Variants in ARHGAP15 observed in about 807,000 individuals in gnomAD.
ARHGAP15 encodes the protein Rho GTPase activating protein 15, also known as rho GTPase-activating protein 15.
Under a neutral mutation model 63.7 loss-of-function variants are expected in ARHGAP15, and 51 were observed. The ratio of observed to expected loss-of-function variants is 0.80; its 90% CI spans 0.64 to 1.01. The LOEUF (loss-of-function observed/expected upper bound fraction) is 1.01. ARHGAP15 is among the 50% of genes least tolerant of loss of function. ARHGAP15 has a pLI of 0.00. For synonymous variants in ARHGAP15, 191 were observed against 193.8 expected, an observed-to-expected ratio of 0.99 and a Z score of 0.12; for missense variants, 560 against 564.6, an observed-to-expected ratio of 0.99 and a Z score of 0.08.
chr2:143,538,021 T>C (rs1403173544), intron 10 of ARHGAP15, among the ~76,000 whole-genome samples: 1 of 152,236 alleles, frequency 6.6e-6, no homozygotes, highest in African/African-American at 2.4e-5. Flanking sequence ...GCATAGAATA[T>C]TCTTCCATTT....
chr2:143,441,575 T>A (rs1689884538), intron 8 of ARHGAP15, among the ~76,000 whole-genome samples: 1 of 152,238 alleles, frequency 6.6e-6, no homozygotes, highest in Admixed American at 6.5e-5. Context: ...TTCACTCATC[T>A]GTGCTTTCAA....
chr2:143,502,368 C>G (rs988248714), intron 9 of ARHGAP15, among the ~76,000 whole-genome samples: 2 of 151,852 alleles, frequency 1.3e-5, no homozygotes, highest in African/African-American at 4.8e-5. Flanking sequence ...AAGATCGCAC[C>G]ATTGCACTCC....
At chr2:143,661,970 C>T (rs1387065159) in intron 12 of ARHGAP15, among the ~76,000 whole-genome samples, 1 of 152,220 alleles carries the variant, frequency 6.6e-6, no homozygotes, top group African/African-American at 2.4e-5. Flanking sequence ...GACCAAACTG[C>T]AAGGCGGCAG....
chr2:143,551,767 A>C (rs1170987988), intron 10 of ARHGAP15, among the ~76,000 whole-genome samples: 1 of 152,200 alleles, frequency 6.6e-6, no homozygotes, highest in South Asian at 2.1e-4. Context: ...CAATAATTAA[A>C]TTAAAATGGC....
At chr2:143,674,769 A>G (rs1682742424) in intron 12 of ARHGAP15, among the ~76,000 whole-genome samples, 1 of 152,194 alleles carries the variant, frequency 6.6e-6, no homozygotes, top group African/African-American at 2.4e-5. Context: ...TGATTTTAAA[A>G]TGCGTTAGTG....
At chr2:143,214,967 T>A (rs984573935) in intron 3 of ARHGAP15, among the ~76,000 whole-genome samples, 1 of 152,358 alleles carries the variant, frequency 6.6e-6, no homozygotes, top group East Asian at 1.9e-4. Context: ...AACATTTAAA[T>A]AGCCATTCAT....
intron 8 of ARHGAP15, among the ~76,000 whole-genome samples, chr2:143,474,931 A>G (rs1218841927): frequency 2.6e-5 from 4 of 152,224 alleles, no homozygotes; most frequent in Non-Finnish European, 4.4e-5. Context: ...TAAATCTCCC[A>G]TCACAATTTT....
intron 6 of ARHGAP15, among the ~76,000 whole-genome samples, chr2:143,421,290 C>T (rs544608914): frequency 1.3e-5 from 2 of 152,240 alleles, no homozygotes; most frequent in South Asian, 2.1e-4. Context: ...ATTGATCACC[C>T]AGGCCTAATA....
intron 6 of ARHGAP15, chr2:143,305,255 T>C (rs564152318): frequency 7.1e-6 from 1 of 141,540 alleles, no homozygotes; most frequent in East Asian, 2.1e-4. Context: ...CAAGTTCTAA[T>C]AAGTGGGAGT....
chr2:143,301,209 A>G lies in ARHGAP15; in HGVS notation c.474+50609A>G, dbSNP rs577031181. On this transcript the variant is annotated intron_variant, in intron 6 of 13. Transcript: ENST00000295095. Reference sequence around the variant, plus strand: ...AAACTTAATATTTGCATTCCTTTTCACTATTTACTTGTTAAATCTTAGATT... The same window carrying G: ...AAACTTAATATTTGCATTCCTTTTCGCTATTTACTTGTTAAATCTTAGATT... Among the ~76,000 whole-genome samples the G allele has an allele frequency of 4.6e-5, 7 of 152,030 alleles. No homozygotes were observed. In the East Asian group the frequency reaches 1.4e-3, roughly 30 times the overall value.
chr2:143,486,612 A>G (rs1692337030), intron 8 of ARHGAP15, among the ~76,000 whole-genome samples: 1 of 152,018 alleles, frequency 6.6e-6, no homozygotes, highest in African/African-American at 2.4e-5. Flanking sequence ...ATGTGTTTAG[A>G]CCATGCTTAA....
chr2:143,628,375 GT>G (rs1483187771), intron 12 of ARHGAP15, among the ~76,000 whole-genome samples: 1 of 152,172 alleles, frequency 6.6e-6, no homozygotes, highest in Non-Finnish European at 1.5e-5. Flanking sequence ...TGGTAGCTCA[GT>G]TTTAAGTTAA....
At chr2:143,552,995 G>C (rs1003305422) in intron 10 of ARHGAP15, among the ~76,000 whole-genome samples, 1 of 152,130 alleles carries the variant, frequency 6.6e-6, no homozygotes, top group African/African-American at 2.4e-5. Context: ...AGGATAATGT[G>C]GTCATGAAAA....
At chr2:143,417,399 T>C (rs535595489) in intron 6 of ARHGAP15, among the ~76,000 whole-genome samples, 4 of 152,256 alleles carry the variant, frequency 2.6e-5, no homozygotes, top group Non-Finnish European at 5.9e-5. Flanking sequence ...CAAAATGCAC[T>C]AGGAGAAGAG....
chr2:143,335,152 G>T (rs575696586), intron 6 of ARHGAP15, among the ~76,000 whole-genome samples: 2 of 152,250 alleles, frequency 1.3e-5, no homozygotes, highest in Non-Finnish European at 2.9e-5. Context: ...TCTGATCATG[G>T]ACACTTTTAT....
intron 13 of ARHGAP15, among the ~76,000 whole-genome samples, chr2:143,764,308 C>T (rs1349888396): frequency 1.3e-5 from 2 of 152,178 alleles, no homozygotes; most frequent in Non-Finnish European, 2.9e-5. Flanking sequence ...GAGACTCAGA[C>T]ATGCAGGCAC....
At chr2:143,461,633 T>A (rs976362933) in intron 8 of ARHGAP15, among the ~76,000 whole-genome samples, 1 of 152,116 alleles carries the variant, frequency 6.6e-6, no homozygotes, top group Non-Finnish European at 1.5e-5. Flanking sequence ...AACAGCAAAT[T>A]TATCAGGAAA....
intron 11 of ARHGAP15, among the ~76,000 whole-genome samples, chr2:143,584,999 A>C (rs763350397): frequency 5.9e-5 from 9 of 152,330 alleles, no homozygotes; most frequent in Non-Finnish European, 8.8e-5. Flanking sequence ...TTTTCTAAAC[A>C]TACTGATAAA....
At chr2:143,691,089 GA>G (rs952192726) in intron 12 of ARHGAP15, among the ~76,000 whole-genome samples, 10 of 151,898 alleles carry the variant, frequency 6.6e-5, no homozygotes, top group African/African-American at 1.7e-4. Flanking sequence ...TAAAAGAAGG[GA>G]AAAAAAATGA....
Sources: allele counts gnomAD v4.1 joint callset (sites outside exome capture counted in the v4.1 genomes callset), GRCh38; gene constraint gnomAD v4.1.1; transcripts MANE v1.5; gene names NCBI Gene and HGNC (gene_info 2026-07-23, HGNC 2026-07-21).